MEI4: variants seen among roughly 807,000 people sequenced by gnomAD.
The protein encoded by MEI4 is meiosis-specific protein MEI4.
A neutral mutation model predicts 31.4 loss-of-function variants in MEI4; 27 were observed. The ratio of observed to expected loss-of-function variants is 0.86; its 90% confidence interval spans 0.63 to 1.19. The LOEUF is 1.19. Among genes scored for constraint, MEI4 ranks in the 50% most tolerant of loss-of-function variants. The pLI is 0.00. For missense variants in MEI4, 329 were observed against 398.9 expected, an observed-to-expected ratio of 0.82 and a Z score of 1.49; for synonymous variants, 122 against 145.4, an observed-to-expected ratio of 0.84 and a Z score of 1.16.
Position 77,825,702 on chromosome 6 carries a change from A to G in MEI4, c.769-3229A>G, listed in dbSNP as rs1202139077. Among the ~76,000 whole-genome samples the G allele has an allele frequency of 3.9e-5, 6 of 152,196 alleles. No individual in the cohort carries two copies. In the East Asian group the frequency reaches 1.2e-3, roughly 29 times the overall value. On this transcript the variant is annotated intron_variant, in intron 3 of 4. Coordinates refer to ENST00000684080, the MANE Select transcript of MEI4 (RefSeq NM_001322247.2). Reference sequence around the variant, plus strand: ...ATAGGAATTTAAGTAGATACAACATATATATGTCTCTATTGCATTTTACTT... The same window carrying G: ...ATAGGAATTTAAGTAGATACAACATGTATATGTCTCTATTGCATTTTACTT...
At position 77,820,391 on chromosome 6, in the gene MEI4, A is replaced by T. The variant is rs1412445249; in HGVS notation, c.769-8540A>T. On this transcript the variant is annotated intron_variant, in intron 3 of 4. Transcript: ENST00000684080. This position sits in a 1 kb window ranked among gnomAD's most constrained non-coding sequence, Gnocchi z 4.5. The stretch of plus-strand genomic sequence containing the variant: ...GTTCTCCTGCCTCAGCCTCCTGAGT[A>T]GCTGGGACTACAGGCACACGCCACC... Among the ~76,000 whole-genome samples, 3 of 152,026 alleles carry T rather than the reference A, an allele frequency of 2.0e-5. No individual in the cohort carries two copies. Among genetic ancestry groups the T allele is most frequent in the Non-Finnish European group, 4.4e-5 (3 of 67,998 alleles).
chr6:77,706,199 C>A (rs763292156), intron 2 of MEI4, among the ~76,000 whole-genome samples: 12 of 152,182 alleles, frequency 7.9e-5, no homozygotes, highest in Non-Finnish European at 1.6e-4. Context: ...CTCTAACCTT[C>A]TTCTGCCTTT....
chr6:77,796,572 A>G (rs1245218044), intron 3 of MEI4, among the ~76,000 whole-genome samples: 1 of 152,174 alleles, frequency 6.6e-6, no homozygotes, highest in Non-Finnish European at 1.5e-5. Context: ...CACTAACAAC[A>G]AACTATCTGA....
At chr6:77,746,617 T>C (rs1326658436) in intron 2 of MEI4, among the ~76,000 whole-genome samples, 3 of 150,784 alleles carry the variant, frequency 2.0e-5, no homozygotes, top group African/African-American at 4.9e-5. Context: ...ATTGCTTAAG[T>C]CAGTTTCTTA....
intron 4 of MEI4, among the ~76,000 whole-genome samples, chr6:77,866,009 G>T (rs1771016019): frequency 1.3e-5 from 2 of 152,060 alleles, no homozygotes; most frequent in South Asian, 2.1e-4. Flanking sequence ...TGCAGAAAAG[G>T]CCTTTGACAA....
chr6:77,791,751 A>C (rs1277450638), intron 3 of MEI4, among the ~76,000 whole-genome samples: 1 of 152,080 alleles, frequency 6.6e-6, no homozygotes, highest in African/African-American at 2.4e-5. Flanking sequence ...TTATTATTTC[A>C]CATATGTACC....
chr6:77,796,512 A>T (rs1769080053), intron 3 of MEI4, among the ~76,000 whole-genome samples: 1 of 152,222 alleles, frequency 6.6e-6, no homozygotes, highest in Non-Finnish European at 1.5e-5. Flanking sequence ...AATTCAGTAA[A>T]GTTGCAGACT....
At chr6:77,752,594 T>C (rs996423087) in intron 2 of MEI4, among the ~76,000 whole-genome samples, 3 of 151,960 alleles carry the variant, frequency 2.0e-5, no homozygotes, top group African/African-American at 7.2e-5. Context: ...AACCACTGCT[T>C]AAGGAAATAA....
chr6:77,715,766 C>G (rs942237833), intron 2 of MEI4, among the ~76,000 whole-genome samples: 5 of 152,110 alleles, frequency 3.3e-5, no homozygotes, highest in African/African-American at 1.2e-4. Flanking sequence ...GTCTTCATAA[C>G]AAGCCTATAG....
intron 4 of MEI4, among the ~76,000 whole-genome samples, chr6:77,834,300 A>T (rs1020451233): frequency 1.3e-5 from 2 of 150,326 alleles, no homozygotes; most frequent in Non-Finnish European, 3.0e-5. Flanking sequence ...TCTGTTAAAA[A>T]TTTTCAAAAT....
chr6:77,663,232 G>A (rs1352057264), intron 1 of MEI4, among the ~76,000 whole-genome samples: 5 of 152,220 alleles, frequency 3.3e-5, no homozygotes, highest in African/African-American at 4.8e-5. Context: ...GGCTTTAAAA[G>A]GCCATGCTGT....
upstream of MEI4, among the ~76,000 whole-genome samples, chr6:77,652,440 G>A (rs1009384704): frequency 6.6e-6 from 1 of 152,140 alleles, no homozygotes; most frequent in Non-Finnish European, 1.5e-5. Flanking sequence ...AGGTGGGGGT[G>A]ATTGTGTATA....
intron 1 of MEI4, among the ~76,000 whole-genome samples, chr6:77,656,433 G>C (rs1193040428): frequency 6.6e-6 from 1 of 151,826 alleles, no homozygotes; most frequent in Non-Finnish European, 1.5e-5. Context: ...TTTATTTCCT[G>C]ATAGGAGAAA....
intron 3 of MEI4, among the ~76,000 whole-genome samples, chr6:77,772,732 T>G (rs35701911): frequency 0.015 from 2,231 of 152,030 alleles, 31 homozygotes; most frequent in Non-Finnish European, 0.019. Context: ...AGAAATAAAG[T>G]GCATTCAGAT....
intron 3 of MEI4, among the ~76,000 whole-genome samples, chr6:77,806,698 G>A (rs1769449949): frequency 6.6e-6 from 1 of 152,118 alleles, no homozygotes; most frequent in South Asian, 2.1e-4. Flanking sequence ...CATATTTACT[G>A]AATGTCTTAG....
At chr6:77,794,187 A>G (rs1186843612) in intron 3 of MEI4, among the ~76,000 whole-genome samples, 3 of 152,170 alleles carry the variant, frequency 2.0e-5, no homozygotes, top group Non-Finnish European at 4.4e-5. Flanking sequence ...TTTATTCTAA[A>G]CTGACACAGA....
At chr6:77,884,086 A>G (rs1771566496) in intron 4 of MEI4, among the ~76,000 whole-genome samples, 1 of 151,998 alleles carries the variant, frequency 6.6e-6, no homozygotes, top group African/African-American at 2.4e-5. Context: ...TTTTGTTTTT[A>G]TATTCACTTC....
intron 2 of MEI4, among the ~76,000 whole-genome samples, chr6:77,700,769 G>A (rs1265209926): frequency 6.6e-6 from 1 of 152,154 alleles, no homozygotes; most frequent in African/African-American, 2.4e-5. Context: ...AGCATTTCAG[G>A]AACTCTGCTA....
At chr6:77,656,525 C>G (rs994328649) in intron 1 of MEI4, among the ~76,000 whole-genome samples, 1 of 151,972 alleles carries the variant, frequency 6.6e-6, no homozygotes, top group African/African-American at 2.4e-5. Flanking sequence ...GTATTTATTT[C>G]TATCTTCACA....
Sources: gnomAD v4.1 joint callset for allele counts (sites outside exome capture counted in the v4.1 genomes callset) on GRCh38, gnomAD v4.1.1 for gene constraint, Gnocchi (gnomAD v3.1) non-coding constraint, MANE v1.5 for transcripts, NCBI Gene and HGNC (gene_info 2026-07-23, HGNC 2026-07-21) for gene names.